The following SCN7A variants were observed in gnomAD, a reference collection of about 807,000 sequenced individuals.
The protein encoded by SCN7A is sodium voltage-gated channel alpha subunit 7.
In SCN7A, 138 loss-of-function variants were observed where a neutral mutation model predicts 155.2. The observed-to-expected ratio is 0.89, with a 90% confidence interval of 0.77 to 1.02. The LOEUF (loss-of-function observed/expected upper bound fraction) is 1.02. Among genes scored for constraint, SCN7A ranks in the 50% least tolerant of loss-of-function variants. SCN7A has a pLI of 0.00. For synonymous variants in SCN7A, 693 were observed against 649.0 expected (o/e 1.07, Z -1.03); for missense variants, 2,058 against 1,986.6 (o/e 1.04, Z -0.68).
chr2:166,430,870 C>G (rs968569972), intron 16 of SCN7A, among the ~76,000 whole-genome samples: 10 of 151,858 alleles, frequency 6.6e-5, no homozygotes, highest in African/African-American at 2.4e-4. Flanking sequence ...GTGGGTATAT[C>G]AATATCCTAA....
chr2:166,448,031 T>C (rs1172596337), intron 11 of SCN7A, among the ~76,000 whole-genome samples: 1 of 152,200 alleles, frequency 6.6e-6, no homozygotes, highest in Non-Finnish European at 1.5e-5. Context: ...GTCACTGTAC[T>C]ATACTATTGA....
chr2:166,488,234 C>A lies in SCN7A; in HGVS notation c.-127-1266G>T, dbSNP rs74685235. On this transcript the variant is annotated intron_variant, in intron 1 of 25. Transcript: ENST00000643258. ...GCTTATATTTCATCTTTCTCACATT[C>A]CATAATGACTTACAGCTAAATTCTC... Among the ~76,000 whole-genome samples the A allele has an allele frequency of 5.3e-3, 800 of 152,302 alleles. 44 individuals are homozygous for A. In the East Asian group the frequency reaches 0.12, roughly 22 times the overall value.
intron 2 of SCN7A, among the ~76,000 whole-genome samples, chr2:166,485,659 T>C (rs1166979734): frequency 6.6e-6 from 1 of 152,128 alleles, no homozygotes; most frequent in African/African-American, 2.4e-5. Context: ...CTGCCTGAAA[T>C]GTTCCTGCTT....
At chr2:166,416,494 C>T (rs1336057670) in intron 21 of SCN7A, among the ~76,000 whole-genome samples, 2 of 152,170 alleles carry the variant, frequency 1.3e-5, no homozygotes, top group Non-Finnish European at 2.9e-5. Flanking sequence ...CTTTATTTCT[C>T]AGCTGGCCAA....
chr2:166,420,830 A>C (rs888101134), intron 20 of SCN7A, among the ~76,000 whole-genome samples: 18 of 152,034 alleles, frequency 1.2e-4, no homozygotes, highest in African/African-American at 2.4e-4. Context: ...GTATAATTTT[A>C]AAGTTTGTTA....
intron 3 of SCN7A, among the ~76,000 whole-genome samples, chr2:166,474,942 A>G (rs1405497815): frequency 6.6e-6 from 1 of 151,046 alleles, no homozygotes; most frequent in Non-Finnish European, 1.5e-5. Flanking sequence ...ACAAAAAATA[A>G]TGAAATATCA....
chr2:166,447,812 G>T, intron 11 of SCN7A, 104 bp from the exon 12 acceptor site: 1 of 733,610 alleles, frequency 1.4e-6, no homozygotes, highest in East Asian at 2.7e-5. Flanking sequence ...TTCTCCCGGA[G>T]CCTTTTCTTT....
chr2:166,478,484 T>C (rs1025812569), intron 2 of SCN7A, among the ~76,000 whole-genome samples: 1 of 151,816 alleles, frequency 6.6e-6, no homozygotes, highest in African/African-American at 2.4e-5. Flanking sequence ...ATTTCCCAAA[T>C]GCTTTCTTCC....
At chr2:166,466,022 A>G (rs1405825608) in intron 7 of SCN7A, 35 bp from the exon 8 acceptor site, 1 of 1,493,904 alleles carries the variant, frequency 6.7e-7, no homozygotes, top group African/African-American at 1.4e-5. Flanking sequence ...GAAATAATGT[A>G]ATATCTTAGA....
In SCN7A at chr2:166,443,803, A is replaced by G. The variant is rs76692995; in HGVS notation, c.1627-127T>C. On this transcript the variant is annotated intron_variant, in intron 13 of 25. Coordinates refer to ENST00000643258, the MANE Select transcript of SCN7A (RefSeq NM_002976.4). ...CACATTCTTCACAGCTTCTCTGTCA[A>G]TATCTGGTTAGTTGTAGAGTCTGCA... 4.5e-3 allele frequency: 3,038 copies of G among 678,120 alleles called. 78 individuals are homozygous for G. The African/African-American group carries it at 0.049, about 11-fold the overall frequency. The allele number at this position is 678,120 out of a possible 1,614,324, so 42.0% of individuals were successfully genotyped here.
At chr2:166,409,590 T>C (rs1327397997) in intron 25 of SCN7A, 75 bp downstream of exon 25, 4 of 1,099,208 alleles carry the variant, frequency 3.6e-6, no homozygotes, top group South Asian at 3.6e-5. Context: ...TAGGAGACTA[T>C]ATTTCATATT....
intron 5 of SCN7A, 36 bp downstream of exon 5, chr2:166,473,763 A>T (rs187921037): frequency 3.3e-5 from 19 of 571,556 alleles, no homozygotes; most frequent in Non-Finnish European, 5.2e-5. Flanking sequence ...ATACAATTAT[A>T]TATGATATTA....
chr2:166,409,917 T>C lies in SCN7A; in HGVS notation c.3730A>G (p.Ile1244Val), dbSNP rs1470059631. The C allele has an allele frequency of 6.4e-7, 1 of 1,567,512 alleles. No individual in the cohort carries two copies. Among genetic ancestry groups the C allele is most frequent in the South Asian group, 1.2e-5 (1 of 84,762 alleles). ...GCTTGGCTTGTTACCACATCAAAGATGAATCCTTGGAGCTTGTTCTGTGGG... is the reference window on the plus strand; with the variant it reads ...GCTTGGCTTGTTACCACATCAAAGACGAATCCTTGGAGCTTGTTCTGTGGG... ...PRPLNKLQGF[I>V]FDVVTSQAFN... The change falls in exon 25 of 26, where the codon ATC becomes GTC. Residue 1244 changes from isoleucine (I) to valine (V), a missense_variant. Coordinates refer to ENST00000643258, the MANE Select transcript of SCN7A (RefSeq NM_002976.4).
chr2:166,434,364 T>G (rs1701795598), intron 15 of SCN7A, among the ~76,000 whole-genome samples: 1 of 152,124 alleles, frequency 6.6e-6, no homozygotes, highest in Non-Finnish European at 1.5e-5. Context: ...AAAATTTTGG[T>G]TATAAGATAT....
chr2:166,470,562 C>G, intron 7 of SCN7A, 53 bp downstream of exon 7: 2 of 1,453,910 alleles, frequency 1.4e-6, no homozygotes, highest in Non-Finnish European at 1.9e-6. Flanking sequence ...CAAGTGAATA[C>G]ATGGCAGTAC....
chr2:166,429,167 A>G lies in SCN7A; in HGVS notation c.2698+2T>C. 6.6e-7 allele frequency: 1 copy of G among 1,507,048 alleles called. No homozygotes were observed. The highest frequency in any genetic ancestry group is 8.9e-7 in the Non-Finnish European group (1 of 1,125,520). 93.4% of individuals were successfully genotyped at this position (1,507,048 alleles called of 1,614,324 possible). On this transcript the variant is annotated splice_donor_variant, in intron 17 of 25. Coordinates refer to ENST00000643258, the MANE Select transcript of SCN7A (RefSeq NM_002976.4). LOFTEE classifies it high-confidence loss of function. ...CTAGCAAGATTAACAAAATTTTCTT[A>G]CCATTTTTCAGATGCTTTGATCTTT...
At position 166,465,946 on chromosome 2, in the gene SCN7A, G is replaced by A. The variant is rs750323285; in HGVS notation, c.706C>T (p.Gln236Ter). ...GTTAGGATAATGACACCAATAAGCT[G>A]CTTCAAGCAGTGGATCAGGACCCCT... ...LVGVLIHCLKQLIGVIILTLF... is the reference protein window; with the variant it reads ...LVGVLIHCLK The change falls in exon 8 of 26, where the codon CAG becomes TAG. Residue 236 changes from glutamine to a stop codon, truncating the protein, a stop_gained. Transcript: ENST00000643258. LOFTEE classifies it high-confidence loss of function. 8 of 1,613,212 alleles carry A rather than the reference G, an allele frequency of 5.0e-6. No individual in the cohort carries two copies. The highest frequency in any genetic ancestry group is 2.5e-6 in the Non-Finnish European group (3 of 1,179,608).
chr2:166,487,854 C>A (rs1031795129), intron 1 of SCN7A, among the ~76,000 whole-genome samples: 1 of 152,102 alleles, frequency 6.6e-6, no homozygotes, highest in Admixed American at 6.6e-5. Flanking sequence ...CAATTTCATT[C>A]CGTGTGCAGC....
intron 21 of SCN7A, among the ~76,000 whole-genome samples, chr2:166,414,199 A>G (rs1701290479): frequency 1.0e-5 from 1 of 96,826 alleles, no homozygotes; most frequent in Non-Finnish European, 1.9e-5. Context: ...TATATAATAT[A>G]TTATATATAT....
Sources: gnomAD v4.1 joint callset for allele counts (sites outside exome capture counted in the v4.1 genomes callset) on GRCh38, gnomAD v4.1.1 for gene constraint, MANE v1.5 for transcripts, NCBI Gene and HGNC (gene_info 2026-07-23, HGNC 2026-07-21) for gene names.